ASPHD1: variants seen among roughly 807,000 people sequenced by gnomAD.
ASPHD1 encodes the protein aspartate beta-hydroxylase domain containing 1, also known as aspartate beta-hydroxylase domain-containing protein 1.
Under a neutral mutation model 28.3 loss-of-function variants are expected in ASPHD1, and 20 were observed. That is an observed-to-expected ratio of 0.71 (90% CI 0.50 to 1.03). The LOEUF is 1.03. ASPHD1 is among the 50% of genes least tolerant of loss of function. ASPHD1 has a pLI of 0.00. For missense variants in ASPHD1, 479 were observed against 524.1 expected (o/e 0.91, Z 0.84); for synonymous variants, 240 against 221.2 (o/e 1.08, Z -0.75).
intron 1 of ASPHD1, among the ~76,000 whole-genome samples, chr16:29,904,370 TG>T (rs1404334269): frequency 6.6e-6 from 1 of 151,280 alleles, no homozygotes; most frequent in Non-Finnish European, 1.5e-5. Flanking sequence ...TGCTTGAACC[TG>T]GGAGGCGGAG....
At chr16:29,911,029 G>C, downstream of ASPHD1, 1 of 1,614,144 alleles carries the variant, frequency 6.2e-7, no homozygotes, top group Non-Finnish European at 8.5e-7. Context: ...AGCACACCTC[G>C]GCGATTTTGC....
At chr16:29,906,724 G>C, downstream of ASPHD1, 2 of 702,094 alleles carry the variant, frequency 2.8e-6, no homozygotes, top group South Asian at 3.3e-5. Context: ...GGGTGGAGAA[G>C]GGCCAAAGTG....
Position 29,901,580 on chromosome 16 carries a change from G to A in ASPHD1, c.609G>A (p.Arg203=), listed in dbSNP as rs2068549487. 1.9e-6 allele frequency: 3 copies of A among 1,543,890 alleles called. No homozygotes were observed. Among genetic ancestry groups the A allele is most frequent in the Non-Finnish European group, 2.6e-6 (3 of 1,153,384 alleles). ...PDLPSAPFVP[R]DAQRHDVELL... ...TGCCTTCAGCCCCCTTTGTGCCGCG[G>A]GACGCCCAGCGGCACGACGTGGAGC... The change falls in exon 1 of 3, where the codon CGG becomes CGA. Residue 203 remains arginine (R), a synonymous_variant. Coordinates refer to ENST00000308748, the MANE Select transcript of ASPHD1 (RefSeq NM_181718.4). This position sits in a 1 kb window ranked among gnomAD's most constrained non-coding sequence, Gnocchi z 5.1.
chr16:29,919,170 C>T (rs1162055450), intron 3 of ASPHD1, among the ~76,000 whole-genome samples: 3 of 152,082 alleles, frequency 2.0e-5, no homozygotes, highest in East Asian at 1.9e-4. Flanking sequence ...CAAACGATAC[C>T]GGGAGTAAAC....
At chr16:29,911,652 A>G in intron 3 of ASPHD1, 1 of 663,220 alleles carries the variant, frequency 1.5e-6, no homozygotes, top group Non-Finnish European at 2.6e-6. Flanking sequence ...AGAAGCAGAA[A>G]GGACCTGCCT....
intron 2 of ASPHD1, 165 bp downstream of exon 2, chr16:29,905,130 C>T: frequency 3.6e-6 from 2 of 555,484 alleles, no homozygotes; most frequent in Non-Finnish European, 6.3e-6. Context: ...GCCCTAGGAC[C>T]ACCACCTTCT....
At chr16:29,918,982 T>C (rs1193888852) in intron 3 of ASPHD1, among the ~76,000 whole-genome samples, 2 of 151,828 alleles carry the variant, frequency 1.3e-5, no homozygotes, top group Non-Finnish European at 2.9e-5. Flanking sequence ...TTAATAGAGA[T>C]GGGGTTTCAC....
In ASPHD1 at chr16:29,901,139, C is replaced by T. The variant is rs759359640; in HGVS notation, c.168C>T (p.Asp56=). Residue 56 remains aspartate (D), a synonymous_variant, in exon 1 of 3, where the codon GAC becomes GAT. Transcript: ENST00000308748. This position sits in a 1 kb window ranked among gnomAD's most constrained non-coding sequence, Gnocchi z 5.1. ...LGGQGNWGPE[D]APGLLARASL... ...GACAGGGGAACTGGGGTCCGGAGGACGCCCCAGGCCTCTTGGCCAGGGCCT... is the reference window on the plus strand; with the variant it reads ...GACAGGGGAACTGGGGTCCGGAGGATGCCCCAGGCCTCTTGGCCAGGGCCT... 1.2e-6 allele frequency: 2 copies of T among 1,608,306 alleles called. No homozygotes were observed. The highest frequency in any genetic ancestry group is 1.7e-6 in the Non-Finnish European group (2 of 1,177,536).
downstream of ASPHD1, chr16:29,910,837 C>A (rs1283709401): frequency 3.2e-5 from 22 of 684,754 alleles, no homozygotes; most frequent in Non-Finnish European, 4.9e-5. Context: ...GGGTGGCTTG[C>A]CCACTGTTGT....
In ASPHD1 at chr16:29,902,883, C is replaced by CTTTTTTTTTTTTTTTTTTTTTT. The variant is rs370689330; in HGVS notation, c.949+968_949+969insTTTTTTTTTTTTTTTTTTTTTT. On this transcript the variant is annotated intron_variant, in intron 1 of 2. Coordinates refer to ENST00000308748, the MANE Select transcript of ASPHD1 (RefSeq NM_181718.4). Reference sequence around the variant, plus strand: ...CAGTAGCACCAAACTGAGATTTTTTCTTTTTCTTTTTTTTTTTTTTTTGAG... The same window carrying CTTTTTTTTTTTTTTTTTTTTTT: ...CAGTAGCACCAAACTGAGATTTTTTCTTTTTTTTTTTTTTTTTTTTTTTTTTTCTTTTTTTTTTTTTTTTGAG... Among the ~76,000 whole-genome samples the CTTTTTTTTTTTTTTTTTTTTTT allele has an allele frequency of 4.6e-5, 5 of 107,552 alleles. 2 individuals are homozygous for CTTTTTTTTTTTTTTTTTTTTTT. The highest frequency in any genetic ancestry group is 3.6e-5 in the Non-Finnish European group (2 of 55,072). 70.6% of individuals were successfully genotyped at this position (107,552 alleles called of 152,430 possible). A position where few individuals can be genotyped will look rare whatever the true frequency, so the allele number is the denominator to read the frequency against.
Position 29,901,643 on chromosome 16 carries a change from C to A in ASPHD1, c.672C>A (p.Phe224Leu), listed in dbSNP as rs199832482. ...ESSFPAILRD[F>L]GAVSWDFSGT... ...GCTTCCCTGCCATTTTGCGGGACTTCGGGGCTGTGAGCTGGGACTTCTCAG... is the reference window on the plus strand; with the variant it reads ...GCTTCCCTGCCATTTTGCGGGACTTAGGGGCTGTGAGCTGGGACTTCTCAG... Residue 224 changes from phenylalanine to leucine, a missense_variant, in exon 1 of 3, where the codon TTC becomes TTA. Physicochemically the swap from Phe to Leu is conservative, Grantham distance 22. Coordinates refer to ENST00000308748, the MANE Select transcript of ASPHD1 (RefSeq NM_181718.4). This position sits in a 1 kb window ranked among gnomAD's most constrained non-coding sequence, Gnocchi z 5.1. 2 of 1,576,740 alleles carry A rather than the reference C, an allele frequency of 1.3e-6. No homozygotes were observed. Among genetic ancestry groups the A allele is most frequent in the Middle Eastern group, 1.7e-4 (1 of 5,884 alleles).
chr16:29,911,668 G>A (rs368021302), intron 3 of ASPHD1: 9 of 754,462 alleles, frequency 1.2e-5, no homozygotes, highest in African/African-American at 5.2e-5. Flanking sequence ...TGCCTAGAGC[G>A]TCAGGGGTAA....
intron 3 of ASPHD1, chr16:29,913,728 C>T (rs2068758391): frequency 6.6e-6 from 1 of 152,266 alleles, no homozygotes; most frequent in Non-Finnish European, 1.5e-5. Flanking sequence ...CAACAAATCC[C>T]TGCCATGTAG....
In ASPHD1 at chr16:29,901,113, G is replaced by C. The variant is rs1207212570; in HGVS notation, c.142G>C (p.Gly48Arg). The C allele has an allele frequency of 1.2e-6, 2 of 1,609,286 alleles. No individual in the cohort carries two copies. The highest frequency in any genetic ancestry group is 1.7e-6 in the Non-Finnish European group (2 of 1,177,736). ...AMEGTGGELGGQGNWGPEDAP... is the reference protein window; with the variant it reads ...AMEGTGGELGRQGNWGPEDAP... ...GGAAGGGACAGGTGGGGAGCTGGGG[G>C]GACAGGGGAACTGGGGTCCGGAGGA... The change falls in exon 1 of 3, where the codon GGA (glycine) becomes CGA (arginine). Residue 48 changes from glycine (G) to arginine (R), a missense_variant. By Grantham distance (125) the Gly-to-Arg change is moderately radical. Transcript: ENST00000308748. This position sits in a 1 kb window ranked among gnomAD's most constrained non-coding sequence, Gnocchi z 5.1.
At position 29,901,556 on chromosome 16, in the gene ASPHD1, G is replaced by T; in HGVS notation, c.585G>T (p.Leu195=). The part of the protein sequence containing the change: ...QRPGLLFLPD[L]PSAPFVPRDA... Reference sequence around the variant, plus strand: ...CAGGCCTGCTTTTCCTACCAGACCTGCCTTCAGCCCCCTTTGTGCCGCGGG... The same window carrying T: ...CAGGCCTGCTTTTCCTACCAGACCTTCCTTCAGCCCCCTTTGTGCCGCGGG... Residue 195 remains leucine (L), a synonymous_variant, in exon 1 of 3, where the codon CTG becomes CTT. Coordinates refer to ENST00000308748, the MANE Select transcript of ASPHD1 (RefSeq NM_181718.4). This position sits in a 1 kb window ranked among gnomAD's most constrained non-coding sequence, Gnocchi z 5.1. 1 of 1,555,162 alleles carries T rather than the reference G, an allele frequency of 6.4e-7. No individual in the cohort carries two copies. Among genetic ancestry groups the T allele is most frequent in the South Asian group, 1.2e-5 (1 of 84,490 alleles).
chr16:29,909,860 A>AG (rs928651482), downstream of ASPHD1, among the ~76,000 whole-genome samples: 5 of 151,808 alleles, frequency 3.3e-5, no homozygotes, highest in Admixed American at 6.6e-5. Context: ...ACTTGAGGTC[A>AG]GGGGTTCAAT....
chr16:29,901,990 A>G lies in ASPHD1; in HGVS notation c.949+70A>G. 5 of 1,252,824 alleles carry G rather than the reference A, an allele frequency of 4.0e-6. No individual in the cohort carries two copies. Among genetic ancestry groups the G allele is most frequent in the Non-Finnish European group, 5.2e-6 (5 of 954,818 alleles). 77.6% of individuals were successfully genotyped at this position (1,252,824 alleles called of 1,614,324 possible). A position where few individuals can be genotyped will look rare whatever the true frequency, so the allele number is the denominator to read the frequency against. On this transcript the variant is annotated intron_variant, in intron 1 of 2. Coordinates refer to ENST00000308748, the MANE Select transcript of ASPHD1 (RefSeq NM_181718.4). The surrounding 1 kb of genome is among the most constrained non-coding windows in gnomAD (Gnocchi z 5.1). ...TCCCCCCCAGACCCTTCTCTCCGCCAGAGCCGTCTGCTGTCTGGTTCTCAT... is the reference window on the plus strand; with the variant it reads ...TCCCCCCCAGACCCTTCTCTCCGCCGGAGCCGTCTGCTGTCTGGTTCTCAT...
chr16:29,910,040 G>A (rs141430539), downstream of ASPHD1, among the ~76,000 whole-genome samples: 13 of 150,584 alleles, frequency 8.6e-5, no homozygotes, highest in East Asian at 2.6e-3. Flanking sequence ...CAGAGGTTAA[G>A]TGAGCTGAGA....
chr16:29,917,426 C>A (rs537811691), intron 3 of ASPHD1, among the ~76,000 whole-genome samples: 1 of 152,150 alleles, frequency 6.6e-6, no homozygotes, highest in African/African-American at 2.4e-5. Flanking sequence ...GTGGGCAGAT[C>A]GCTTGAGCTC....
Sources: allele counts gnomAD v4.1 joint callset (sites outside exome capture counted in the v4.1 genomes callset), GRCh38; gene constraint gnomAD v4.1.1; non-coding constraint Gnocchi (gnomAD v3.1); transcripts MANE v1.5; gene names NCBI Gene and HGNC (gene_info 2026-07-23, HGNC 2026-07-21).